Variants in DLGAP2 observed in about 807,000 individuals in gnomAD.
DLGAP2 encodes the protein DLG associated protein 2, also known as disks large-associated protein 2.
DLGAP2 carries 26 observed loss-of-function variants against 100.3 expected under a neutral mutation model. The ratio of observed to expected loss-of-function variants is 0.26; its 90% confidence interval spans 0.19 to 0.36. The LOEUF (loss-of-function observed/expected upper bound fraction) is 0.36, where lower values mean the gene tolerates loss of function less well. DLGAP2 is among the 10% of genes least tolerant of loss of function. The pLI, the probability that DLGAP2 is intolerant of heterozygous loss-of-function variation, is 1.00. For missense variants in DLGAP2, 1,858 were observed against 1,453.2 expected (o/e 1.28, Z -4.53); for synonymous variants, 886 against 630.1 (o/e 1.41, Z -6.08).
intron 3 of DLGAP2, among the ~76,000 whole-genome samples, chr8:1,454,430 G>A (rs1798248286): frequency 6.6e-6 from 1 of 151,406 alleles, no homozygotes; most frequent in Non-Finnish European, 1.5e-5. Flanking sequence ...TGTTCCTGCT[G>A]GCAACTTCAC....
rs1554494686 is a variant in DLGAP2 at position 1,164,288 on chromosome 8, T to TTTC, written c.74-94562_74-94561insTCT. ...CCTCGTTTTGGTTTGTGGGGACTGA[T>TTTC]TGTGAGCCCCCCAGGGTTTGTTTTT... On this transcript the variant is annotated intron_variant, in intron 2 of 14. Transcript: ENST00000637795. Among the ~76,000 whole-genome samples, 354 of 109,456 alleles carry TTTC rather than the reference T, an allele frequency of 3.2e-3. 1 individual carries two copies. Among genetic ancestry groups the TTTC allele is most frequent in the Non-Finnish European group, 5.1e-3 (229 of 45,266 alleles). 71.8% of individuals were successfully genotyped at this position (109,456 alleles called of 152,430 possible).
intron 10 of DLGAP2, among the ~76,000 whole-genome samples, chr8:1,672,357 G>A (rs930700650): frequency 1.3e-5 from 2 of 151,392 alleles, no homozygotes; most frequent in Non-Finnish European, 2.9e-5. Context: ...TCAGCCTCCC[G>A]AGCAGCTGGG....
At chr8:1,184,210 A>T (rs1002534719) in intron 2 of DLGAP2, among the ~76,000 whole-genome samples, 3 of 152,244 alleles carry the variant, frequency 2.0e-5, no homozygotes, top group Non-Finnish European at 4.4e-5. Flanking sequence ...AGCCATTTAA[A>T]AGGTTAAAAT....
At chr8:752,140 C>T (rs1386505737) in intron 1 of DLGAP2, among the ~76,000 whole-genome samples, 1 of 152,198 alleles carries the variant, frequency 6.6e-6, no homozygotes, top group Non-Finnish European at 1.5e-5. Context: ...GTTGCCTGCA[C>T]CCCCTTCTCC....
chr8:1,272,354 C>T (rs1252821037), intron 3 of DLGAP2, among the ~76,000 whole-genome samples: 1 of 151,688 alleles, frequency 6.6e-6, no homozygotes, highest in East Asian at 1.9e-4. Flanking sequence ...AAGGAATTTC[C>T]AAAAAGTGAG....
At chr8:1,525,520 G>T (rs1196384064) in intron 4 of DLGAP2, among the ~76,000 whole-genome samples, 1 of 152,198 alleles carries the variant, frequency 6.6e-6, no homozygotes, top group Non-Finnish European at 1.5e-5. Context: ...CAAAGCTGCG[G>T]TCCTCAGAAA....
intron 2 of DLGAP2, among the ~76,000 whole-genome samples, chr8:1,084,595 T>C (rs1237208399): frequency 6.6e-6 from 1 of 152,218 alleles, no homozygotes; most frequent in African/African-American, 2.4e-5. Flanking sequence ...TTCAGTAGTT[T>C]TAGGCTCCAC....
intron 2 of DLGAP2, among the ~76,000 whole-genome samples, chr8:1,027,075 C>T (rs1801821196): frequency 6.6e-6 from 1 of 152,084 alleles, no homozygotes; most frequent in African/African-American, 2.4e-5. Context: ...AATGGCTGTG[C>T]CTCTTTATTT....
chr8:1,640,727 G>A (rs1009419620), intron 8 of DLGAP2, among the ~76,000 whole-genome samples: 10 of 152,254 alleles, frequency 6.6e-5, no homozygotes, highest in South Asian at 6.2e-4. Context: ...CACCAAGACC[G>A]TCAAACGCTA....
intron 1 of DLGAP2, among the ~76,000 whole-genome samples, chr8:796,758 C>T (rs182947800): frequency 1.3e-4 from 20 of 152,296 alleles, no homozygotes; most frequent in African/African-American, 4.6e-4. Context: ...GGCCCCATGC[C>T]CGCACTATAA....
chr8:987,777 T>C (rs1363294476), intron 2 of DLGAP2, among the ~76,000 whole-genome samples: 1 of 152,134 alleles, frequency 6.6e-6, no homozygotes, highest in African/African-American at 2.4e-5. Flanking sequence ...CTTCTCACTT[T>C]TACTCACACC....
At chr8:1,569,390 T>C (rs940400117) in intron 6 of DLGAP2, among the ~76,000 whole-genome samples, 2 of 152,200 alleles carry the variant, frequency 1.3e-5, no homozygotes, top group African/African-American at 4.8e-5. Flanking sequence ...AAAGCAGCCA[T>C]GTGATGGGTC....
chr8:1,121,862 C>A (rs189708988), intron 2 of DLGAP2, among the ~76,000 whole-genome samples: 1 of 152,334 alleles, frequency 6.6e-6, no homozygotes, highest in Admixed American at 6.5e-5. Context: ...AACTTATAAC[C>A]TTCTATCCTT....
intron 2 of DLGAP2, among the ~76,000 whole-genome samples, chr8:1,224,524 T>C (rs185334091): frequency 2.0e-5 from 3 of 152,000 alleles, no homozygotes; most frequent in Admixed American, 2.0e-4. Context: ...TAATAAAATA[T>C]AGAATACAAA....
intron 1 of DLGAP2, among the ~76,000 whole-genome samples, chr8:883,028 A>C (rs1485744822): frequency 6.6e-6 from 1 of 152,206 alleles, no homozygotes; most frequent in Non-Finnish European, 1.5e-5. Context: ...CTGGTCCTCT[A>C]ACACAATCTT....
chr8:1,511,901 G>A (rs925970629), intron 4 of DLGAP2, among the ~76,000 whole-genome samples: 2 of 152,248 alleles, frequency 1.3e-5, no homozygotes, highest in Non-Finnish European at 2.9e-5. Context: ...AGAAACATTA[G>A]GCTCCAAGTC....
chr8:1,149,144 C>T (rs953137960), intron 2 of DLGAP2, among the ~76,000 whole-genome samples: 8 of 123,028 alleles, frequency 6.5e-5, no homozygotes, highest in South Asian at 2.5e-4. Context: ...TGTGGAATTA[C>T]CCTCTTTTTT....
chr8:799,408 C>T (rs1487383967), intron 1 of DLGAP2, among the ~76,000 whole-genome samples: 2 of 151,996 alleles, frequency 1.3e-5, no homozygotes, highest in Non-Finnish European at 2.9e-5. Flanking sequence ...GGGAGGTGGC[C>T]GTACCAGAGA....
chr8:797,201 GC>G (rs1796054283), intron 1 of DLGAP2, among the ~76,000 whole-genome samples: 1 of 152,170 alleles, frequency 6.6e-6, no homozygotes, highest in African/African-American at 2.4e-5. Context: ...AGTCCTGTGT[GC>G]CCGTTCCTGG....
Sources: allele counts gnomAD v4.1 joint callset (sites outside exome capture counted in the v4.1 genomes callset), GRCh38; gene constraint gnomAD v4.1.1; transcripts MANE v1.5; gene names NCBI Gene and HGNC (gene_info 2026-07-23, HGNC 2026-07-21).